Variants in SLC24A4 observed in about 807,000 individuals in gnomAD.
SLC24A4 encodes solute carrier family 24 member 4.
Under a neutral mutation model 79.0 loss-of-function variants are expected in SLC24A4, and 53 were observed. The ratio of observed to expected loss-of-function variants is 0.67; its 90% CI spans 0.54 to 0.84. The LOEUF is 0.84. Ranked by LOEUF, SLC24A4 falls within the 40% of genes least tolerant of loss-of-function variation. The pLI is 0.00. For missense variants in SLC24A4, 731 were observed against 822.0 expected, an observed-to-expected ratio of 0.89 and a Z score of 1.35; for synonymous variants, 323 against 323.8, an observed-to-expected ratio of 1.00 and a Z score of 0.03.
At chr14:92,468,165 A>C (rs7154308) in intron 12 of SLC24A4, among the ~76,000 whole-genome samples, 1 of 152,048 alleles carries the variant, frequency 6.6e-6, no homozygotes, top group African/African-American at 2.4e-5. Context: ...TCCCATTTAC[A>C]ATAGGATTTA....
chr14:92,456,394 G>A lies in SLC24A4; in HGVS notation c.1051-10G>A. 1 of 1,614,104 alleles carries A rather than the reference G, an allele frequency of 6.2e-7. No individual in the cohort carries two copies. Among genetic ancestry groups the A allele is most frequent in the Admixed American group, 1.7e-5 (1 of 60,028 alleles). On this transcript the variant is annotated splice_polypyrimidine_tract_variant and intron_variant, in intron 11 of 16. Transcript: ENST00000532405. ...TGCCTTGGTGTCCATGTTGCCTCCTGTCCACACAGCGGCAGAGACTGATCA... is the reference window on the plus strand; with the variant it reads ...TGCCTTGGTGTCCATGTTGCCTCCTATCCACACAGCGGCAGAGACTGATCA...
intron 2 of SLC24A4, among the ~76,000 whole-genome samples, chr14:92,433,003 T>G (rs1402286645): frequency 1.3e-5 from 2 of 152,244 alleles, no homozygotes; most frequent in African/African-American, 4.8e-5. Context: ...GTTAATATTT[T>G]AACCTTTGTT....
At chr14:92,371,040 T>G (rs943498894) in intron 2 of SLC24A4, among the ~76,000 whole-genome samples, 2 of 152,198 alleles carry the variant, frequency 1.3e-5, no homozygotes, top group African/African-American at 4.8e-5. Flanking sequence ...TTTAGACAGA[T>G]AGTAAGGACA....
intron 3 of SLC24A4, among the ~76,000 whole-genome samples, chr14:92,437,363 C>T (rs1892233186): frequency 6.6e-6 from 1 of 152,186 alleles, no homozygotes; most frequent in Non-Finnish European, 1.5e-5. Flanking sequence ...CGAGGGTTTT[C>T]CTGGCTTCCT....
At chr14:92,472,267 A>C (rs554138812) in intron 12 of SLC24A4, among the ~76,000 whole-genome samples, 3 of 152,122 alleles carry the variant, frequency 2.0e-5, no homozygotes, top group Non-Finnish European at 2.9e-5. Context: ...TTTCATTTCC[A>C]TAAGTTTTGG....
chr14:92,349,111 GT>G (rs1255069518), intron 2 of SLC24A4, among the ~76,000 whole-genome samples: 2 of 150,774 alleles, frequency 1.3e-5, no homozygotes, highest in African/African-American at 4.9e-5. Context: ...AAGGATTGCT[GT>G]TGAATTTCTC....
At chr14:92,329,664 A>G (rs1002728017) in intron 2 of SLC24A4, among the ~76,000 whole-genome samples, 2 of 152,170 alleles carry the variant, frequency 1.3e-5, no homozygotes, top group Non-Finnish European at 2.9e-5. Context: ...CTGGGACCAC[A>G]GGCTATTTTT....
At chr14:92,400,425 G>T (rs987821957) in intron 2 of SLC24A4, among the ~76,000 whole-genome samples, 1 of 135,310 alleles carries the variant, frequency 7.4e-6, no homozygotes, top group Non-Finnish European at 1.5e-5. Flanking sequence ...GCGACAGAGC[G>T]AGACTCCATC....
chr14:92,383,327 G>A (rs1426204373), intron 2 of SLC24A4, among the ~76,000 whole-genome samples: 1 of 152,090 alleles, frequency 6.6e-6, no homozygotes, highest in Non-Finnish European at 1.5e-5. Context: ...GGAGGGGGCC[G>A]GGAGGCAGGA....
At chr14:92,431,673 C>G (rs887892801) in intron 2 of SLC24A4, among the ~76,000 whole-genome samples, 1 of 152,204 alleles carries the variant, frequency 6.6e-6, no homozygotes, top group African/African-American at 2.4e-5. Flanking sequence ...GATTCGTCAC[C>G]GTAGAAGCCA....
At chr14:92,458,018 CTTCCCTGGAGT>C (rs1415649753) in intron 12 of SLC24A4, among the ~76,000 whole-genome samples, 1 of 152,204 alleles carries the variant, frequency 6.6e-6, no homozygotes, top group Non-Finnish European at 1.5e-5. Flanking sequence ...GATCACGGAG[CTTCCCTGGAGT>C]TTCTGGGTTA....
chr14:92,474,987 C>T (rs762794158), intron 12 of SLC24A4, among the ~76,000 whole-genome samples: 24 of 150,638 alleles, frequency 1.6e-4, no homozygotes, highest in South Asian at 2.1e-4. Context: ...CGTGAGCCAC[C>T]GTGCCCGGCC....
intron 10 of SLC24A4, chr14:92,450,308 T>G (rs1369275985): frequency 6.6e-6 from 1 of 152,272 alleles, no homozygotes; most frequent in African/African-American, 2.4e-5. Context: ...CTGGAGCCGA[T>G]GAAGGCAGGG....
intron 2 of SLC24A4, among the ~76,000 whole-genome samples, chr14:92,356,036 C>G (rs991652606): frequency 1.3e-5 from 2 of 152,180 alleles, no homozygotes; most frequent in Admixed American, 6.5e-5. Context: ...ACTTTGAGAA[C>G]CCATCAACTA....
intron 2 of SLC24A4, among the ~76,000 whole-genome samples, chr14:92,401,840 C>A (rs1833220709): frequency 6.6e-6 from 1 of 152,112 alleles, no homozygotes; most frequent in African/African-American, 2.4e-5. Flanking sequence ...ACACTCACTG[C>A]CCTCCCCTAC....
At chr14:92,372,369 C>T (rs73333750) in intron 2 of SLC24A4, among the ~76,000 whole-genome samples, 8,215 of 152,174 alleles carry the variant, frequency 0.054, 476 homozygotes, top group African/African-American at 0.15. Context: ...CTGATGTTGA[C>T]CAGCTGCTGC....
chr14:92,433,832 G>A, intron 2 of SLC24A4, 80 bp from the exon 3 acceptor site: 1 of 1,231,296 alleles, frequency 8.1e-7, no homozygotes, highest in South Asian at 1.2e-5. Context: ...CAGTTCCTTA[G>A]TGAACTCTCA....
intron 2 of SLC24A4, among the ~76,000 whole-genome samples, chr14:92,367,998 A>G (rs1021818592): frequency 6.6e-6 from 1 of 152,264 alleles, no homozygotes; most frequent in Non-Finnish European, 1.5e-5. Flanking sequence ...GCATGTGTCA[A>G]AGGCTTATTT....
In SLC24A4 at chr14:92,424,041, T is replaced by C. The variant is rs560049894; in HGVS notation, c.242-9871T>C. ...GCCAGCACTCCTTGGCTTGCAGACA[T>C]ACCACTCCAACCTCTGCCTTCGTCA... On this transcript the variant is annotated intron_variant, in intron 2 of 16. Coordinates refer to ENST00000532405, the MANE Select transcript of SLC24A4 (RefSeq NM_153646.4). 4.6e-5 allele frequency among the ~76,000 whole-genome samples: 7 copies of C among 152,276 alleles called. No homozygotes were observed. The South Asian group carries it at 1.5e-3, about 32-fold the overall frequency.
Sources: allele counts gnomAD v4.1 joint callset (sites outside exome capture counted in the v4.1 genomes callset), GRCh38; gene constraint gnomAD v4.1.1; transcripts MANE v1.5; gene names NCBI Gene and HGNC (gene_info 2026-07-23, HGNC 2026-07-21).